Variants in QTMAN observed in about 807,000 individuals in gnomAD.
QTMAN encodes the protein tRNA-queuosine alpha-mannosyltransferase.
At chr2:144,269,801 C>A in the QTMAN span, among the ~76,000 whole-genome samples, 1 of 151,746 alleles carries the variant, frequency 6.6e-6, no homozygotes, top group East Asian at 1.9e-4. Flanking sequence ...CATTTAATTA[C>A]TATGCTATCC....
chr2:144,001,710 C>T, the QTMAN span, among the ~76,000 whole-genome samples: 3 of 151,820 alleles, frequency 2.0e-5, no homozygotes. Flanking sequence ...TATCATAGAT[C>T]TGTATCCTAG....
chr2:144,162,587 C>T, the QTMAN span, among the ~76,000 whole-genome samples: 1 of 152,050 alleles, frequency 6.6e-6, no homozygotes, highest in Non-Finnish European at 1.5e-5. Flanking sequence ...AAAAATCTGG[C>T]CAAGTTAGCT....
At chr2:144,314,910 G>A in the QTMAN span, among the ~76,000 whole-genome samples, 3 of 152,118 alleles carry the variant, frequency 2.0e-5, no homozygotes, top group African/African-American at 7.2e-5. Context: ...TTTTGAGACA[G>A]GGTCTTGCTC....
the QTMAN span, among the ~76,000 whole-genome samples, chr2:144,173,300 C>T: frequency 6.6e-6 from 1 of 152,118 alleles, no homozygotes; most frequent in East Asian, 1.9e-4. Flanking sequence ...AGAATAGGTC[C>T]TTGCTTCTAA....
the QTMAN span, among the ~76,000 whole-genome samples, chr2:143,960,348 T>C: frequency 6.6e-6 from 1 of 151,850 alleles, no homozygotes; most frequent in African/African-American, 2.4e-5. Context: ...CTTTGACAAA[T>C]AAAGGAGGAG....
the QTMAN span, among the ~76,000 whole-genome samples, chr2:144,166,513 A>T: frequency 6.6e-6 from 1 of 152,220 alleles, no homozygotes; most frequent in African/African-American, 2.4e-5. Context: ...GCTCTTAACA[A>T]TTAATATGTT....
chr2:144,061,577 A>G, the QTMAN span, among the ~76,000 whole-genome samples: 1 of 152,208 alleles, frequency 6.6e-6, no homozygotes, highest in Non-Finnish European at 1.5e-5. Flanking sequence ...TTGAGTACTT[A>G]TGACCTAGGT....
At chr2:144,302,367 T>C in the QTMAN span, among the ~76,000 whole-genome samples, 3 of 152,142 alleles carry the variant, frequency 2.0e-5, no homozygotes, top group Admixed American at 6.5e-5. Flanking sequence ...GGGTAACCAA[T>C]AGATTGCCCA....
chr2:144,308,364 C>T, the QTMAN span, among the ~76,000 whole-genome samples: 1 of 151,926 alleles, frequency 6.6e-6, no homozygotes, highest in African/African-American at 2.4e-5. Flanking sequence ...GACGGGGTTT[C>T]ACTATGTTAG....
At chr2:143,960,543 A>G in the QTMAN span, among the ~76,000 whole-genome samples, 1 of 152,100 alleles carries the variant, frequency 6.6e-6, no homozygotes, top group Non-Finnish European at 1.5e-5. Flanking sequence ...GGTGAGATAC[A>G]TGGGCTCATC....
At chr2:143,954,725 A>G in the QTMAN span, among the ~76,000 whole-genome samples, 1 of 152,028 alleles carries the variant, frequency 6.6e-6, no homozygotes, top group Non-Finnish European at 1.5e-5. Context: ...GTATTTTAAA[A>G]CCAATTTATA....
the QTMAN span, among the ~76,000 whole-genome samples, chr2:144,029,004 T>C: frequency 2.9e-4 from 44 of 152,278 alleles, no homozygotes; most frequent in African/African-American, 9.6e-4. Flanking sequence ...AGAATCAAAT[T>C]GCCTTGGACT....
the QTMAN span, among the ~76,000 whole-genome samples, chr2:144,330,937 G>A: frequency 6.6e-6 from 1 of 152,150 alleles, no homozygotes; most frequent in Non-Finnish European, 1.5e-5. Context: ...AGATTAAAAT[G>A]CCAACACAAT....
At chr2:144,171,805 C>T in the QTMAN span, among the ~76,000 whole-genome samples, 16 of 152,062 alleles carry the variant, frequency 1.1e-4, no homozygotes, top group South Asian at 2.1e-3. Context: ...ATTTATGGAA[C>T]GAAGCCATTA....
the QTMAN span, among the ~76,000 whole-genome samples, chr2:143,949,653 C>T: frequency 1.3e-5 from 2 of 151,850 alleles, no homozygotes; most frequent in African/African-American, 4.8e-5. Context: ...TAACTCCCAA[C>T]ATTCTTTTCA....
At chr2:144,102,181 T>C in the QTMAN span, among the ~76,000 whole-genome samples, 1 of 152,206 alleles carries the variant, frequency 6.6e-6, no homozygotes, top group Admixed American at 6.5e-5. Flanking sequence ...TCCATTACAA[T>C]ATGGGATCTG....
the QTMAN span, among the ~76,000 whole-genome samples, chr2:144,326,628 C>G: frequency 6.7e-6 from 1 of 150,164 alleles, no homozygotes; most frequent in African/African-American, 2.5e-5. Context: ...CCAGTACTAA[C>G]GATGGCAATG....
the QTMAN span, among the ~76,000 whole-genome samples, chr2:144,108,914 G>A: frequency 2.0e-5 from 3 of 152,070 alleles, no homozygotes; most frequent in Non-Finnish European, 4.4e-5. Context: ...AATAAAAGAG[G>A]ACAAAAACTA....
At chr2:144,107,938 A>AG in the QTMAN span, among the ~76,000 whole-genome samples, 1 of 152,172 alleles carries the variant, frequency 6.6e-6, no homozygotes, top group African/African-American at 2.4e-5. Context: ...TGGGATGCAA[A>AG]GCTGGTTCAA....
Sources: allele counts gnomAD v4.1 joint callset (sites outside exome capture counted in the v4.1 genomes callset), GRCh38; gene constraint gnomAD v4.1.1; transcripts MANE v1.5; gene names NCBI Gene and HGNC (gene_info 2026-07-23, HGNC 2026-07-21).